GALNTL6: variants seen among roughly 807,000 people sequenced by gnomAD.
GALNTL6 encodes polypeptide N-acetylgalactosaminyltransferase like 6, also known as polypeptide N-acetylgalactosaminyltransferase-like 6.
In GALNTL6, 46 loss-of-function variants were observed where a neutral mutation model predicts 73.7. That is an observed-to-expected ratio of 0.62 (90% CI 0.49 to 0.80). The LOEUF (loss-of-function observed/expected upper bound fraction) is 0.80. GALNTL6 is among the 30% of genes least tolerant of loss of function. The probability of loss-of-function intolerance (pLI) is 0.00; values close to 1 mark genes in which losing one functional copy is unlikely to be tolerated. For missense variants in GALNTL6, 604 were observed against 755.0 expected (o/e 0.80, Z 2.34); for synonymous variants, 259 against 263.7 (o/e 0.98, Z 0.17).
At chr4:173,022,396 C>T (rs1296953976) in intron 12 of GALNTL6, among the ~76,000 whole-genome samples, 3 of 152,166 alleles carry the variant, frequency 2.0e-5, no homozygotes, top group African/African-American at 7.2e-5. Flanking sequence ...TGGCTTTGAG[C>T]CAGAACAAGG....
intron 5 of GALNTL6, among the ~76,000 whole-genome samples, chr4:172,616,076 C>G (rs1168238855): frequency 1.3e-5 from 2 of 152,142 alleles, no homozygotes; most frequent in African/African-American, 4.8e-5. Flanking sequence ...GAAAAGAGCT[C>G]TCTGCTACCA....
chr4:172,643,033 A>T (rs531411224), intron 5 of GALNTL6, among the ~76,000 whole-genome samples: 23 of 151,970 alleles, frequency 1.5e-4, no homozygotes, highest in Non-Finnish European at 3.1e-4. Context: ...AGAAAAAAAA[A>T]TAGATATATA....
At chr4:171,830,899 ATG>A (rs1372675172) in intron 2 of GALNTL6, among the ~76,000 whole-genome samples, 3 of 152,154 alleles carry the variant, frequency 2.0e-5, no homozygotes, top group Admixed American at 1.3e-4. Context: ...TGTAGGCACA[ATG>A]TGTGTTTACA....
chr4:172,010,264 TACA>T (rs1358906542), intron 2 of GALNTL6, among the ~76,000 whole-genome samples: 2 of 152,066 alleles, frequency 1.3e-5, no homozygotes, highest in Non-Finnish European at 2.9e-5. Flanking sequence ...GTACTATGAG[TACA>T]ACATTAGTAA....
intron 2 of GALNTL6, among the ~76,000 whole-genome samples, chr4:171,831,215 G>GAACGTAGCTAAT (rs1342592866): frequency 6.6e-6 from 1 of 151,900 alleles, no homozygotes; most frequent in Non-Finnish European, 1.5e-5. Context: ...TGAATTAGCA[G>GAACGTAGCTAAT]TCACGTAGCA....
chr4:172,809,264 C>G lies in GALNTL6; in HGVS notation c.554-97C>G. The G allele has an allele frequency of 1.1e-6, 1 of 893,068 alleles. No homozygotes were observed. Among genetic ancestry groups the G allele is most frequent in the Admixed American group, 2.2e-5 (1 of 46,428 alleles). The allele number at this position is 893,068 out of a possible 1,614,324, so 55.3% of individuals were successfully genotyped here. On this transcript the variant is annotated intron_variant, in intron 5 of 12. Transcript: ENST00000506823. This position sits in a 1 kb window ranked among gnomAD's most constrained non-coding sequence, Gnocchi z 4.4. ...GAGACAAGAATGTTACCCCAGGATT[C>G]ATCAGTCACATACTCTCTATGCACA...
At chr4:172,031,320 C>T (rs1478164638) in intron 2 of GALNTL6, among the ~76,000 whole-genome samples, 2 of 151,954 alleles carry the variant, frequency 1.3e-5, no homozygotes, top group Non-Finnish European at 2.9e-5. Context: ...TGCAAATTTC[C>T]ATAACTTTAA....
intron 5 of GALNTL6, among the ~76,000 whole-genome samples, chr4:172,427,257 C>T (rs936382029): frequency 5.9e-5 from 9 of 152,052 alleles, no homozygotes; most frequent in Admixed American, 2.6e-4. Flanking sequence ...GGAGGCCTCA[C>T]AATTATGGCA....
rs139543874 is a variant in GALNTL6 at position 172,446,573 on chromosome 4, A to G, written c.553+97884A>G. Among the ~76,000 whole-genome samples, 13 of 152,308 alleles carry G rather than the reference A, an allele frequency of 8.5e-5. No homozygotes were observed. In the East Asian group the frequency reaches 2.3e-3, roughly 27 times the overall value. ...TCATAAAGCCCATGCTAAATCTTGC[A>G]AGAAACAAGTGTTTTTTTTCTGGCT... On this transcript the variant is annotated intron_variant, in intron 5 of 12. Coordinates refer to ENST00000506823, the MANE Select transcript of GALNTL6 (RefSeq NM_001034845.3).
chr4:173,019,585 A>G (rs1268308906), intron 11 of GALNTL6, among the ~76,000 whole-genome samples: 1 of 152,248 alleles, frequency 6.6e-6, no homozygotes, highest in Non-Finnish European at 1.5e-5. Context: ...TGAATCTAAA[A>G]ATGTCTCAGT....
At chr4:172,656,673 T>C (rs553972544) in intron 5 of GALNTL6, among the ~76,000 whole-genome samples, 4 of 152,312 alleles carry the variant, frequency 2.6e-5, no homozygotes, top group African/African-American at 9.6e-5. Flanking sequence ...AAGTGACCAA[T>C]TAACTATTAA....
At chr4:172,971,435 T>C (rs1448061908) in intron 10 of GALNTL6, among the ~76,000 whole-genome samples, 1 of 152,216 alleles carries the variant, frequency 6.6e-6, no homozygotes, top group East Asian at 1.9e-4. Flanking sequence ...AGAAGCTTGT[T>C]GCAGGCTCTG....
chr4:172,017,868 T>C (rs892146202), intron 2 of GALNTL6, among the ~76,000 whole-genome samples: 1 of 151,530 alleles, frequency 6.6e-6, no homozygotes, highest in South Asian at 2.1e-4. Context: ...CCATTTCAAG[T>C]CTCCAAGCCA....
intron 5 of GALNTL6, among the ~76,000 whole-genome samples, chr4:172,395,958 T>C (rs182183592): frequency 6.6e-6 from 1 of 152,236 alleles, no homozygotes; most frequent in African/African-American, 2.4e-5. Flanking sequence ...GTTAAATCAA[T>C]GGAAGAGGCT....
At chr4:172,695,193 A>C (rs1414639290) in intron 5 of GALNTL6, among the ~76,000 whole-genome samples, 1 of 152,234 alleles carries the variant, frequency 6.6e-6, no homozygotes, top group Non-Finnish European at 1.5e-5. Flanking sequence ...GGAGATCAAA[A>C]GCTTAAAAAA....
At chr4:172,658,162 A>AAAAAAAAAAAG (rs1184427799) in intron 5 of GALNTL6, among the ~76,000 whole-genome samples, 1 of 124,406 alleles carries the variant, frequency 8.0e-6, no homozygotes, top group Non-Finnish European at 1.7e-5. Flanking sequence ...AAAAAAAAAA[A>AAAAAAAAAAAG]AAAAAAAGAA....
At chr4:172,958,035 C>T (rs538967809) in intron 10 of GALNTL6, among the ~76,000 whole-genome samples, 74 of 152,032 alleles carry the variant, frequency 4.9e-4, no homozygotes, top group Non-Finnish European at 9.3e-4. Flanking sequence ...TGTAGGAGGC[C>T]GGATTGAAGT....
rs74951551 is a variant in GALNTL6, at chr4:172,241,350, T to C, written c.247+11586T>C. Among the ~76,000 whole-genome samples, 1,214 of 152,276 alleles carry C rather than the reference T, an allele frequency of 8.0e-3. 14 individuals carry two copies. The highest frequency in any genetic ancestry group is 0.028 in the African/African-American group (1,156 of 41,552). The stretch of plus-strand genomic sequence containing the variant: ...GGTGAGTAATAAGAAAAATATATTA[T>C]TTCCACCTTTGAGGAAATGGAGATT... On this transcript the variant is annotated intron_variant, in intron 3 of 12. Coordinates refer to ENST00000506823, the MANE Select transcript of GALNTL6 (RefSeq NM_001034845.3).
At chr4:172,996,211 A>T (rs1350051115) in intron 10 of GALNTL6, among the ~76,000 whole-genome samples, 1 of 150,894 alleles carries the variant, frequency 6.6e-6, no homozygotes, top group Non-Finnish European at 1.5e-5. Context: ...ATGCAACCAT[A>T]AAAAAAATGA....
Sources: gnomAD v4.1 joint callset for allele counts (sites outside exome capture counted in the v4.1 genomes callset) on GRCh38, gnomAD v4.1.1 for gene constraint, Gnocchi (gnomAD v3.1) non-coding constraint, MANE v1.5 for transcripts, NCBI Gene and HGNC (gene_info 2026-07-23, HGNC 2026-07-21) for gene names.